Variants in CTNNA2 observed in about 807,000 individuals in gnomAD.
CTNNA2 encodes catenin alpha-2.
Under a neutral mutation model 101.0 loss-of-function variants are expected in CTNNA2, and 42 were observed. The observed-to-expected ratio is 0.42, with a 90% CI of 0.32 to 0.54. The LOEUF is 0.54. CTNNA2 is among the 20% of genes least tolerant of loss of function. The pLI is 0.14. For missense variants in CTNNA2, 871 were observed against 1,223.1 expected, an observed-to-expected ratio of 0.71 and a Z score of 4.29; for synonymous variants, 450 against 456.4, an observed-to-expected ratio of 0.99 and a Z score of 0.18.
intron 1 of CTNNA2, among the ~76,000 whole-genome samples, chr2:79,598,818 A>T (rs1178859218): frequency 6.6e-6 from 1 of 152,192 alleles, no homozygotes; most frequent in Non-Finnish European, 1.5e-5. Flanking sequence ...TAATAAGTCT[A>T]GTTTATCAAT....
At chr2:80,160,337 G>A (rs899781920) in intron 7 of CTNNA2, among the ~76,000 whole-genome samples, 1 of 152,130 alleles carries the variant, frequency 6.6e-6, no homozygotes, top group Non-Finnish European at 1.5e-5. Flanking sequence ...ACGTACAAAA[G>A]TTTTTCTTGG....
At chr2:79,819,005 A>G (rs1677797829) in intron 3 of CTNNA2, among the ~76,000 whole-genome samples, 1 of 142,690 alleles carries the variant, frequency 7.0e-6, no homozygotes, top group Non-Finnish European at 1.5e-5. Context: ...ATTGAGACGG[A>G]GTCTCACTCT....
At chr2:79,800,350 G>C (rs1020825841) in intron 3 of CTNNA2, among the ~76,000 whole-genome samples, 1 of 152,044 alleles carries the variant, frequency 6.6e-6, no homozygotes, top group African/African-American at 2.4e-5. Context: ...GTTCTCCCTT[G>C]CATTGAGATA....
At chr2:80,349,374 G>A (rs748262261) in intron 7 of CTNNA2, among the ~76,000 whole-genome samples, 2 of 152,108 alleles carry the variant, frequency 1.3e-5, no homozygotes, top group South Asian at 2.1e-4. Context: ...TTGTTGATTC[G>A]TTTGTGTATT....
intron 7 of CTNNA2, among the ~76,000 whole-genome samples, chr2:80,106,041 AAGG>A (rs1258427900): frequency 2.6e-5 from 4 of 152,240 alleles, no homozygotes; most frequent in Non-Finnish European, 4.4e-5. Flanking sequence ...TGCCACAGGT[AAGG>A]AGGATACCGG....
intron 1 of CTNNA2, among the ~76,000 whole-genome samples, chr2:79,577,276 T>A (rs1675859363): frequency 6.6e-6 from 1 of 152,110 alleles, no homozygotes. Context: ...TATGTTAACT[T>A]TTATTCTATT....
intron 7 of CTNNA2, among the ~76,000 whole-genome samples, chr2:79,942,786 C>T (rs1373942754): frequency 6.6e-6 from 1 of 152,106 alleles, no homozygotes; most frequent in East Asian, 1.9e-4. Flanking sequence ...AAAAATTTTC[C>T]TGCATCCTAT....
intron 7 of CTNNA2, chr2:80,029,277 G>A (rs1287448315): frequency 6.6e-6 from 1 of 152,236 alleles, no homozygotes; most frequent in East Asian, 1.9e-4. Flanking sequence ...GGCCCAAGGA[G>A]TGTGACACCA....
chr2:80,581,575 G>A, intron 13 of CTNNA2, 131 bp from the exon 14 acceptor site: 1 of 613,840 alleles, frequency 1.6e-6, no homozygotes, highest in Non-Finnish European at 3.0e-6. Flanking sequence ...CACCCACATA[G>A]CTGTGTGGGT....
chr2:79,453,307 C>G (rs761636964), intron 4 of CTNNA2, among the ~76,000 whole-genome samples: 39 of 152,260 alleles, frequency 2.6e-4, no homozygotes, highest in Non-Finnish European at 4.6e-4. Flanking sequence ...AGGAATAGCT[C>G]TGCCTAAAAG....
chr2:80,544,859 C>T, intron 9 of CTNNA2, 123 bp from the exon 10 acceptor site: 1 of 765,032 alleles, frequency 1.3e-6, no homozygotes, highest in South Asian at 1.9e-5. Flanking sequence ...CCAGGGTACC[C>T]TTATCTTATT....
intron 3 of CTNNA2, among the ~76,000 whole-genome samples, chr2:79,849,729 T>C (rs1464971184): frequency 6.6e-6 from 1 of 152,212 alleles, no homozygotes; most frequent in East Asian, 1.9e-4. Context: ...TTGGTTTCCT[T>C]GCTACTTCCT....
intron 3 of CTNNA2, among the ~76,000 whole-genome samples, chr2:79,814,576 G>T (rs546059799): frequency 1.3e-5 from 2 of 150,710 alleles, no homozygotes; most frequent in South Asian, 4.2e-4. Flanking sequence ...TCCTTTTCAT[G>T]GCTGTGTAGT....
intron 3 of CTNNA2, among the ~76,000 whole-genome samples, chr2:79,840,205 G>A (rs1184595841): frequency 6.6e-6 from 1 of 152,128 alleles, no homozygotes; most frequent in East Asian, 1.9e-4. Context: ...TTTACCATTT[G>A]TCTTTGCCAC....
intron 1 of CTNNA2, among the ~76,000 whole-genome samples, chr2:79,634,336 C>A (rs1201423369): frequency 6.6e-6 from 1 of 152,134 alleles, no homozygotes; most frequent in East Asian, 1.9e-4. Flanking sequence ...TGGGGTTGAA[C>A]AAATACCTTT....
At chr2:79,448,755 C>A (rs1678858718) in intron 4 of CTNNA2, among the ~76,000 whole-genome samples, 1 of 151,984 alleles carries the variant, frequency 6.6e-6, no homozygotes, top group Admixed American at 6.6e-5. Flanking sequence ...TCTGGCTGCT[C>A]AAAGACACAT....
At chr2:80,627,758 T>C (rs1671835705) in intron 18 of CTNNA2, among the ~76,000 whole-genome samples, 1 of 152,184 alleles carries the variant, frequency 6.6e-6, no homozygotes, top group Admixed American at 6.5e-5. Context: ...TTGCTTTTTG[T>C]GTTTTAGTCA....
rs761577253 is a variant in CTNNA2 at position 80,275,714 on chromosome 2, A to AAG, written c.1057-117481_1057-117480dup. The stretch of plus-strand genomic sequence containing the variant: ...TAAGAATTTTTCAGAGAGAGAGAGA[A>AAG]AGAGAGAGAGAGAGAGAATAAATGT... On this transcript the variant is annotated intron_variant, in intron 7 of 18. Coordinates refer to ENST00000402739, the MANE Select transcript of CTNNA2 (RefSeq NM_001282597.3). 2.8e-3 allele frequency among the ~76,000 whole-genome samples: 427 copies of AAG among 151,000 alleles called. 1 individual carries two copies. The highest frequency in any genetic ancestry group is 9.6e-3 in the African/African-American group (396 of 41,304).
At chr2:79,989,164 C>G (rs59520705) in intron 7 of CTNNA2, among the ~76,000 whole-genome samples, 36,780 of 152,008 alleles carry the variant, frequency 0.24, 4,929 homozygotes, top group Admixed American at 0.35. Context: ...TCCAAGAAAC[C>G]CTTAACAAGT....
Sources: allele counts gnomAD v4.1 joint callset (sites outside exome capture counted in the v4.1 genomes callset), GRCh38; gene constraint gnomAD v4.1.1; transcripts MANE v1.5; gene names NCBI Gene and HGNC (gene_info 2026-07-23, HGNC 2026-07-21).